Variants in VPS26C observed in about 807,000 individuals in gnomAD.
VPS26C encodes VPS26 endosomal protein sorting factor C.
VPS26C carries 19 observed loss-of-function variants against 30.6 expected under a neutral mutation model. The ratio of observed to expected loss-of-function variants is 0.62; its 90% CI spans 0.43 to 0.91. The LOEUF (loss-of-function observed/expected upper bound fraction) is 0.91, where lower values mean the gene tolerates loss of function less well. VPS26C is among the 40% of genes least tolerant of loss of function. The pLI, the probability that VPS26C is intolerant of heterozygous loss-of-function variation, is 0.00. For missense variants in VPS26C, 318 were observed against 385.1 expected (o/e 0.83, Z 1.46); for synonymous variants, 132 against 151.5 (o/e 0.87, Z 0.95).
intron 1 of VPS26C, among the ~76,000 whole-genome samples, chr21:37,252,257 C>T (rs1025373349): frequency 6.6e-6 from 1 of 152,220 alleles, no homozygotes; most frequent in African/African-American, 2.4e-5. Flanking sequence ...CTTAGTAGCA[C>T]TGAGAGACCC....
chr21:37,252,879 C>T (rs749584938), intron 1 of VPS26C, among the ~76,000 whole-genome samples: 1 of 152,130 alleles, frequency 6.6e-6, no homozygotes, highest in Non-Finnish European at 1.5e-5. Context: ...CTGGAAAAAG[C>T]AAACTATAGG....
chr21:37,259,749 T>A (rs2086285392), intron 1 of VPS26C, among the ~76,000 whole-genome samples: 1 of 152,074 alleles, frequency 6.6e-6, no homozygotes, highest in Non-Finnish European at 1.5e-5. Context: ...GGTCACTGAC[T>A]CTCCTTCCTC....
chr21:37,233,453 G>T lies in VPS26C; in HGVS notation c.352-11C>A. On this transcript the variant is annotated splice_polypyrimidine_tract_variant and intron_variant, in intron 3 of 7. Transcript: ENST00000309117. This position sits in a 1 kb window ranked among gnomAD's most constrained non-coding sequence, Gnocchi z 5.2. ...ACAGCGCAGTGTATACTAAAGGGGA[G>T]AGTTGGAGGAAAAAAGTTCATTTTA... is the stretch of plus-strand genomic sequence containing the variant. 6.2e-7 allele frequency: 1 copy of T among 1,608,742 alleles called. No homozygotes were observed. Among genetic ancestry groups the T allele is most frequent in the Non-Finnish European group, 8.5e-7 (1 of 1,175,606 alleles).
At chr21:37,256,121 C>CCA (rs2086240826) in intron 1 of VPS26C, among the ~76,000 whole-genome samples, 1 of 152,184 alleles carries the variant, frequency 6.6e-6, no homozygotes. Context: ...CAGGCATGAG[C>CCA]CACCGTGCCC....
At chr21:37,235,884 T>A (rs1602268734) in intron 3 of VPS26C, among the ~76,000 whole-genome samples, 1 of 144,692 alleles carries the variant, frequency 6.9e-6, no homozygotes, top group South Asian at 2.2e-4. Flanking sequence ...TATATATTTT[T>A]TTTTTTAATT....
intron 1 of VPS26C, among the ~76,000 whole-genome samples, chr21:37,256,266 C>G (rs1393214906): frequency 3.9e-5 from 6 of 152,222 alleles, no homozygotes; most frequent in African/African-American, 1.4e-4. Flanking sequence ...ATAACTAATA[C>G]TTTACAAGAG....
intron 1 of VPS26C, among the ~76,000 whole-genome samples, chr21:37,264,484 T>C (rs1342990032): frequency 6.6e-6 from 1 of 152,252 alleles, no homozygotes; most frequent in Non-Finnish European, 1.5e-5. Flanking sequence ...ACTTGTATCA[T>C]ATTTAAAACC....
At chr21:37,252,743 A>T (rs983849147) in intron 1 of VPS26C, among the ~76,000 whole-genome samples, 8 of 152,258 alleles carry the variant, frequency 5.3e-5, no homozygotes, top group African/African-American at 1.9e-4. Flanking sequence ...CAACTCGGCC[A>T]TCAAAACGAA....
rs1013927943 is a variant in VPS26C, at chr21:37,226,024, A to T, written c.812-398T>A. 9.8e-6 allele frequency: 2 copies of T among 203,384 alleles called. No individual in the cohort carries two copies. The highest frequency in any genetic ancestry group is 4.5e-5 in the African/African-American group (2 of 44,602). 12.6% of individuals were successfully genotyped at this position (203,384 alleles called of 1,614,324 possible). Reference sequence around the variant, plus strand: ...GAAATAGCAGACTGTGAACCAGCGCATAGCTGTCTGGGCCCATGTCCCCAA... The same window carrying T: ...GAAATAGCAGACTGTGAACCAGCGCTTAGCTGTCTGGGCCCATGTCCCCAA... On this transcript the variant is annotated intron_variant, in intron 7 of 7. Coordinates refer to ENST00000309117, the MANE Select transcript of VPS26C (RefSeq NM_006052.2). This position sits in a 1 kb window ranked among gnomAD's most constrained non-coding sequence, Gnocchi z 4.1.
At chr21:37,247,508 T>C (rs1473018884) in intron 1 of VPS26C, among the ~76,000 whole-genome samples, 1 of 152,044 alleles carries the variant, frequency 6.6e-6, no homozygotes, top group Non-Finnish European at 1.5e-5. Flanking sequence ...TACAAACAAC[T>C]AAAGCAAACA....
intron 1 of VPS26C, among the ~76,000 whole-genome samples, chr21:37,243,284 C>T (rs1051311956): frequency 6.6e-6 from 1 of 152,078 alleles, no homozygotes; most frequent in East Asian, 1.9e-4. Flanking sequence ...AACTGGGGGC[C>T]GTGACTACAA....
At position 37,254,259 on chromosome 21, in the gene VPS26C, C is replaced by T. The variant is rs145109618; in HGVS notation, c.57+12979G>A. ...CAGCATTCAAATCCAAGCCAGGATG[C>T]AGGCAAACTTCAGAGTAGAGGACAA... is the stretch of plus-strand genomic sequence containing the variant. On this transcript the variant is annotated intron_variant, in intron 1 of 7. Transcript: ENST00000309117. Among the ~76,000 whole-genome samples the T allele has an allele frequency of 2.5e-3, 387 of 152,280 alleles. 6 individuals carry two copies. The highest frequency in any genetic ancestry group is 0.022 in the Admixed American group (331 of 15,306).
intron 1 of VPS26C, among the ~76,000 whole-genome samples, chr21:37,248,978 C>T (rs1337781863): frequency 6.6e-6 from 1 of 151,946 alleles, no homozygotes; most frequent in Non-Finnish European, 1.5e-5. Context: ...ATATTAATAG[C>T]TATTAAGAGA....
chr21:37,264,505 T>A (rs1041132188), intron 1 of VPS26C, among the ~76,000 whole-genome samples: 5 of 152,226 alleles, frequency 3.3e-5, no homozygotes, highest in African/African-American at 1.2e-4. Context: ...ACAGAAAATA[T>A]CTCAGCATCC....
rs2086075561 is a variant in VPS26C at position 37,240,559 on chromosome 21, A to T, written c.138T>A (p.Thr46=). ...HQGVSLTMEG[T]VNLQLSAKSV... The stretch of plus-strand genomic sequence containing the variant: ...TTTTGGCACTGAGCTGGAGGTTTAC[A>T]GTTCCTTCCATGGTCAAAGACACTC... Residue 46 remains threonine, a synonymous_variant, in exon 2 of 8, where the codon ACT becomes ACA. Coordinates refer to ENST00000309117, the MANE Select transcript of VPS26C (RefSeq NM_006052.2). 2.5e-6 allele frequency: 4 copies of T among 1,614,240 alleles called. No homozygotes were observed. The highest frequency in any genetic ancestry group is 3.4e-6 in the Non-Finnish European group (4 of 1,180,046).
rs538497680 is a variant in VPS26C at position 37,244,555 on chromosome 21, G to T, written c.58-3916C>A. 5.7e-4 allele frequency among the ~76,000 whole-genome samples: 87 copies of T among 152,270 alleles called. 5 individuals are homozygous for T. In the South Asian group the frequency reaches 0.018, roughly 31 times the overall value. The stretch of plus-strand genomic sequence containing the variant: ...ACTTTGTATTCTCTAAATGTAAAAG[G>T]CCACTACCAAACTATACAACTCTTT... On this transcript the variant is annotated intron_variant, in intron 1 of 7. Coordinates refer to ENST00000309117, the MANE Select transcript of VPS26C (RefSeq NM_006052.2).
Position 37,233,233 on chromosome 21 carries a change from G to T in VPS26C, c.432+129C>A. 1.3e-6 allele frequency: 1 copy of T among 758,212 alleles called. No individual in the cohort carries two copies. The highest frequency in any genetic ancestry group is 2.3e-6 in the Non-Finnish European group (1 of 443,250). The allele number at this position is 758,212 out of a possible 1,614,324, so 47.0% of individuals were successfully genotyped here. ...GCCACCGACTGTCTCTGACCCAGAA[G>T]TCTTGTGTCTTCTGCCAGCACCCGT... is the stretch of plus-strand genomic sequence containing the variant. On this transcript the variant is annotated intron_variant, in intron 4 of 7. Coordinates refer to ENST00000309117, the MANE Select transcript of VPS26C (RefSeq NM_006052.2). This position sits in a 1 kb window ranked among gnomAD's most constrained non-coding sequence, Gnocchi z 5.2.
At chr21:37,242,797 C>T (rs1471682827) in intron 1 of VPS26C, among the ~76,000 whole-genome samples, 1 of 152,092 alleles carries the variant, frequency 6.6e-6, no homozygotes, top group African/African-American at 2.4e-5. Flanking sequence ...TGGGCATATT[C>T]TAACTATGAC....
At chr21:37,267,342 G>A (rs766263304), upstream of VPS26C, 12 of 1,549,716 alleles carry the variant, frequency 7.7e-6, no homozygotes, top group Non-Finnish European at 1.1e-5. Flanking sequence ...CGTGACCCCA[G>A]GGAAACAAGG....
Sources: gnomAD v4.1 joint callset for allele counts (sites outside exome capture counted in the v4.1 genomes callset) on GRCh38, gnomAD v4.1.1 for gene constraint, Gnocchi (gnomAD v3.1) non-coding constraint, MANE v1.5 for transcripts, NCBI Gene and HGNC (gene_info 2026-07-23, HGNC 2026-07-21) for gene names.